The following HGD variants were observed in gnomAD, a reference collection of about 807,000 sequenced individuals.
HGD encodes the protein homogentisate oxidase.
HGD carries 61 observed loss-of-function variants against 60.8 expected under a neutral mutation model. The observed-to-expected ratio is 1.00, with a 90% CI of 0.82 to 1.24. The LOEUF (loss-of-function observed/expected upper bound fraction) is 1.24. Ranked by LOEUF, HGD falls within the 50% of genes most tolerant of loss-of-function variation. The pLI is 0.00. For missense variants in HGD, 542 were observed against 547.1 expected (o/e 0.99, Z 0.09); for synonymous variants, 212 against 187.7 (o/e 1.13, Z -1.06).
intron 12 of HGD, 160 bp from the exon 13 acceptor site, chr3:120,633,488 A>G: frequency 6.5e-7 from 1 of 1,532,112 alleles, no homozygotes; most frequent in Non-Finnish European, 8.7e-7. Context: ...GAACAATCAT[A>G]AAACATTCAT....
chr3:120,629,481 G>A (rs768702317), intron 13 of HGD, among the ~76,000 whole-genome samples: 1 of 152,170 alleles, frequency 6.6e-6, no homozygotes, highest in African/African-American at 2.4e-5. Context: ...CCTGTGACAG[G>A]CTTGATGGGA....
chr3:120,633,001 T>C (rs1326529651), intron 13 of HGD, 146 bp downstream of exon 13: 7 of 720,890 alleles, frequency 9.7e-6, no homozygotes, highest in Non-Finnish European at 1.7e-5. Context: ...TGTGAGTATA[T>C]ATACATGTAA....
At chr3:120,660,298 G>C (rs1038853456) in intron 4 of HGD, among the ~76,000 whole-genome samples, 1 of 152,234 alleles carries the variant, frequency 6.6e-6, no homozygotes, top group South Asian at 2.1e-4. Flanking sequence ...TTAGCAGAGA[G>C]ATCCAGGGTA....
At chr3:120,654,326 T>TG (rs1941430455) in intron 4 of HGD, among the ~76,000 whole-genome samples, 1 of 152,222 alleles carries the variant, frequency 6.6e-6, no homozygotes, top group African/African-American at 2.4e-5. Context: ...GAGAATCACA[T>TG]GGAGAGCCTT....
In HGD at chr3:120,644,428, G is replaced by C. The variant is rs1576294110; in HGVS notation, c.665C>G (p.Ala222Gly). The C allele has an allele frequency of 6.2e-7, 1 of 1,613,932 alleles. No individual in the cohort carries two copies. Residue 222 changes from alanine (A) to glycine (G), a missense_variant, in exon 10 of 14, where the codon GCC becomes GGC. This residue lies in a region of HGD where 537 missense variants were observed against 529.1 expected (regional missense o/e 1.01). Transcript: ENST00000283871. ...GGGTATCAAGAAATCACGAGGATTG[G>C]CCAAGCCATTGGCCCCTAGAAAACA... ...DLGPIGANGL[A>G]NPRDFLIPIA...
rs775575402 is a variant in HGD, at chr3:120,674,980, G to T, written c.97C>A (p.Gln33Lys). Residue 33 changes from glutamine (Q) to lysine (K), a missense_variant, in exon 3 of 14, where the codon CAG becomes AAG. Gln to Lys is a moderately conservative substitution (Grantham distance 53, BLOSUM62 1). Coordinates refer to ENST00000283871, the MANE Select transcript of HGD (RefSeq NM_000187.4). ...GSLPEGQNNP[Q>K]VCPYNLYAEQ... is the part of the protein sequence containing the mutation. ...GCATAGAGATTGTAGGGGCAGACCT[G>T]AGGATTATTCTGAAACAAAGGATGC... 24 of 1,609,524 alleles carry T rather than the reference G, an allele frequency of 1.5e-5. No homozygotes were observed. Among genetic ancestry groups the T allele is most frequent in the Non-Finnish European group, 1.9e-5 (22 of 1,176,316 alleles).
In HGD at chr3:120,675,791, C is replaced by A; in HGVS notation, c.87+1G>T. 2 of 1,612,016 alleles carry A rather than the reference C, an allele frequency of 1.2e-6. No homozygotes were observed. Among genetic ancestry groups the A allele is most frequent in the Non-Finnish European group, 1.7e-6 (2 of 1,178,210 alleles). On this transcript the variant is annotated splice_donor_variant, in intron 2 of 13. Coordinates refer to ENST00000283871, the MANE Select transcript of HGD (RefSeq NM_000187.4). LOFTEE classifies it high-confidence loss of function. ...CTTCTAAGCACTTTATTTGCTCATA[C>A]CTGTCCTTCTGGCAGGGAACCTGGG...
At position 120,644,602 on chromosome 3, in the gene HGD, T is replaced by C. The variant is rs774032695; in HGVS notation, c.650-159A>G. On this transcript the variant is annotated intron_variant, in intron 9 of 13. Coordinates refer to ENST00000283871, the MANE Select transcript of HGD (RefSeq NM_000187.4). ...ACTGCATTTCCAGTCTGGTACCTTTTAGGAAGACCCAAGGAATCTGGTCAG... is the reference window on the plus strand; with the variant it reads ...ACTGCATTTCCAGTCTGGTACCTTTCAGGAAGACCCAAGGAATCTGGTCAG... The C allele has an allele frequency of 5.9e-6, 9 of 1,536,726 alleles. No individual in the cohort carries two copies. In the East Asian group the frequency reaches 2.2e-4, roughly 37 times the overall value.
chr3:120,666,212 A>G (rs1383306314), intron 4 of HGD, among the ~76,000 whole-genome samples: 2 of 152,176 alleles, frequency 1.3e-5, no homozygotes, highest in Admixed American at 1.3e-4. Flanking sequence ...ACGCTATTGA[A>G]TTCTGAGGCA....
chr3:120,674,538 A>G (rs1002704415), intron 3 of HGD: 2 of 275,356 alleles, frequency 7.3e-6, no homozygotes, highest in African/African-American at 4.8e-5. Context: ...CATAATTGTG[A>G]CTTAGTCATT....
intron 4 of HGD, among the ~76,000 whole-genome samples, chr3:120,653,223 G>A (rs1376867284): frequency 6.6e-6 from 1 of 152,162 alleles, no homozygotes; most frequent in Admixed American, 6.5e-5. Flanking sequence ...TTTGTCCCTA[G>A]GCTGCCTGAC....
At position 120,628,519 on chromosome 3, in the gene HGD, A is replaced by G. The variant is rs1940489332; in HGVS notation, c.1199T>C (p.Phe400Ser). 6.2e-7 allele frequency: 1 copy of G among 1,614,128 alleles called. No homozygotes were observed. The highest frequency in any genetic ancestry group is 8.5e-7 in the Non-Finnish European group (1 of 1,179,976). ...RIADGTMAFM[F>S]ESSLSLAVTK... ...GACCGCCAGACTTAAAGATGATTCA[A>G]ACATAAATGCCTGGAGGAAGTGACG... Residue 400 changes from phenylalanine to serine, a missense_variant, in exon 14 of 14, where the codon TTT becomes TCT. Physicochemically the swap from Phe to Ser is radical, Grantham distance 155 (BLOSUM62 -2). Coordinates refer to ENST00000283871, the MANE Select transcript of HGD (RefSeq NM_000187.4).
At chr3:120,650,640 T>G (rs1021273942) in intron 6 of HGD, 134 bp downstream of exon 6, 5 of 749,654 alleles carry the variant, frequency 6.7e-6, no homozygotes, top group Middle Eastern at 2.3e-4. Context: ...AATATTGCCT[T>G]GAGGAGAAAA....
intron 6 of HGD, among the ~76,000 whole-genome samples, chr3:120,649,145 T>C (rs1418195247): frequency 1.3e-3 from 184 of 143,546 alleles, no homozygotes; most frequent in African/African-American, 3.6e-3. Flanking sequence ...TTTTCTTTTT[T>C]TTTTTTTTTT....
rs7652072 is a variant in HGD at position 120,652,655 on chromosome 3, G to A, written c.283-4C>T. 1.1e-3 allele frequency: 1,689 copies of A among 1,606,428 alleles called. 13 individuals are homozygous for A. In the African/African-American group the frequency reaches 0.016, roughly 15 times the overall value. On this transcript the variant is annotated splice_polypyrimidine_tract_variant and splice_region_variant and intron_variant, in intron 4 of 13. Transcript: ENST00000283871. ...TCTCAAATGGTTTCCATCTAAGCTG[G>A]AAAAAAAATACACATACAGAAAAAT...
At chr3:120,650,435 T>C (rs954901991) in intron 6 of HGD, among the ~76,000 whole-genome samples, 1 of 152,232 alleles carries the variant, frequency 6.6e-6, no homozygotes, top group Non-Finnish European at 1.5e-5. Flanking sequence ...ATCCTTGAAA[T>C]ATCAAACAAC....
At chr3:120,674,860 T>C in intron 3 of HGD, 41 bp downstream of exon 3, 1 of 1,334,312 alleles carries the variant, frequency 7.5e-7, no homozygotes, top group Non-Finnish European at 1.1e-6. Context: ...CCTGTCATAG[T>C]ACCCACAGTC....
intron 4 of HGD, among the ~76,000 whole-genome samples, chr3:120,653,418 G>A (rs895572372): frequency 2.6e-5 from 4 of 152,142 alleles, no homozygotes; most frequent in African/African-American, 4.8e-5. Flanking sequence ...TTCATGGAGC[G>A]ACCCGCACCC....
chr3:120,679,904 T>C (rs976740060), intron 1 of HGD, among the ~76,000 whole-genome samples: 2 of 152,188 alleles, frequency 1.3e-5, no homozygotes, highest in Non-Finnish European at 2.9e-5. Flanking sequence ...TACATTTGTG[T>C]TGTTTTAAGC....
Sources: gnomAD v4.1 joint callset for allele counts (sites outside exome capture counted in the v4.1 genomes callset) on GRCh38, gnomAD v4.1.1 for gene constraint, gnomAD v4.1.1 regional missense constraint, MANE v1.5 for transcripts, NCBI Gene and HGNC (gene_info 2026-07-23, HGNC 2026-07-21) for gene names.